TNR: variants seen among roughly 807,000 people sequenced by gnomAD.
The protein encoded by TNR is tenascin-R.
In TNR, 45 loss-of-function variants were observed where a neutral mutation model predicts 150.4. The ratio of observed to expected loss-of-function variants is 0.30; its 90% CI spans 0.24 to 0.38. The LOEUF (loss-of-function observed/expected upper bound fraction) is 0.38. TNR is among the 10% of genes least tolerant of loss of function. The pLI is 1.00. For synonymous variants in TNR, 687 were observed against 678.4 expected (o/e 1.01, Z -0.20); for missense variants, 1,544 against 1,759.1 (o/e 0.88, Z 2.19).
Position 175,609,747 on chromosome 1 carries a change from C to T in TNR, c.-164-81378G>A, listed in dbSNP as rs150806178. On this transcript the variant is annotated intron_variant, in intron 1 of 22. Coordinates refer to ENST00000367674, the MANE Select transcript of TNR (RefSeq NM_003285.3). Reference sequence around the variant, plus strand: ...GTTACAATAAGAAGTAATTGTCATACAACCAGAGCACTAAAAGCTGCCTGA... The same window carrying T: ...GTTACAATAAGAAGTAATTGTCATATAACCAGAGCACTAAAAGCTGCCTGA... Among the ~76,000 whole-genome samples, 19 of 152,328 alleles carry T rather than the reference C, an allele frequency of 1.2e-4. No individual in the cohort carries two copies. In the East Asian group the frequency reaches 3.3e-3, roughly 26 times the overall value.
intron 1 of TNR, among the ~76,000 whole-genome samples, chr1:175,720,580 C>A (rs771180531): frequency 6.6e-6 from 1 of 152,144 alleles, no homozygotes; most frequent in Non-Finnish European, 1.5e-5. Context: ...GTAGATGTTT[C>A]AATAGGTTGA....
intron 1 of TNR, among the ~76,000 whole-genome samples, chr1:175,681,574 A>G (rs892817310): frequency 2.0e-5 from 3 of 152,186 alleles, no homozygotes; most frequent in East Asian, 1.9e-4. Flanking sequence ...CTCACTCAGC[A>G]TGCTCCTTCC....
At chr1:175,582,140 T>C (rs549367157) in intron 1 of TNR, among the ~76,000 whole-genome samples, 3 of 152,374 alleles carry the variant, frequency 2.0e-5, no homozygotes, top group South Asian at 4.1e-4. Context: ...TTTTCCTTTA[T>C]AGGTAATGCC....
intron 1 of TNR, among the ~76,000 whole-genome samples, chr1:175,572,302 A>T (rs928582897): frequency 1.3e-5 from 2 of 152,244 alleles, no homozygotes; most frequent in African/African-American, 2.4e-5. Context: ...CAGTGAGGAT[A>T]CCATAAAGAA....
intron 1 of TNR, among the ~76,000 whole-genome samples, chr1:175,742,967 C>CAT (rs747623678): frequency 6.9e-6 from 1 of 144,824 alleles, no homozygotes; most frequent in Non-Finnish European, 1.5e-5. Context: ...CAACAGTACA[C>CAT]ACACACACAC....
chr1:175,453,536 A>G (rs181920387), intron 2 of TNR, among the ~76,000 whole-genome samples: 158 of 151,908 alleles, frequency 1.0e-3, no homozygotes, highest in Admixed American at 3.3e-3. Context: ...TTGGTTTTTA[A>G]ACTTTAATTA....
chr1:175,683,639 A>T (rs972007156), intron 1 of TNR, among the ~76,000 whole-genome samples: 1 of 152,066 alleles, frequency 6.6e-6, no homozygotes, highest in South Asian at 2.1e-4. Context: ...GCATACCAGT[A>T]CCTGTCAGGC....
chr1:175,348,068 CTGGATTGATATAAAAAA>C (rs1287972897), intron 18 of TNR, among the ~76,000 whole-genome samples: 3 of 151,960 alleles, frequency 2.0e-5, no homozygotes, highest in Non-Finnish European at 4.4e-5. Flanking sequence ...TTGCTAGATA[CTGGATTGATATAAAAAA>C]TTAATGGTAT....
intron 1 of TNR, among the ~76,000 whole-genome samples, chr1:175,601,882 C>T (rs1663251425): frequency 2.0e-5 from 3 of 152,106 alleles, no homozygotes; most frequent in Admixed American, 6.5e-5. Context: ...AATGAACATA[C>T]TTGCAAAACA....
At position 175,477,047 on chromosome 1, in the gene TNR, G is replaced by A. The variant is rs12068481; in HGVS notation, c.-64+51222C>T. Among the ~76,000 whole-genome samples, 1,151 of 152,258 alleles carry A rather than the reference G, an allele frequency of 7.6e-3. 14 individuals are homozygous for A. Among genetic ancestry groups the A allele is most frequent in the African/African-American group, 0.026 (1,097 of 41,544 alleles). On this transcript the variant is annotated intron_variant, in intron 2 of 22. Transcript: ENST00000367674. ...AAAAGAATGGCTCTTAAATGTTTCT[G>A]TATTTTGGTGATACACTAGCAAAAT... is the stretch of plus-strand genomic sequence containing the variant.
chr1:175,381,752 A>G (rs1652691181), intron 8 of TNR, among the ~76,000 whole-genome samples: 1 of 152,238 alleles, frequency 6.6e-6, no homozygotes, highest in Admixed American at 6.5e-5. Flanking sequence ...CATAAATTAG[A>G]TTAAGTAATT....
chr1:175,716,605 C>G (rs1283552066), intron 1 of TNR, among the ~76,000 whole-genome samples: 2 of 152,162 alleles, frequency 1.3e-5, no homozygotes, highest in African/African-American at 4.8e-5. Context: ...AACCAACCAT[C>G]CCCTGCCCCA....
chr1:175,665,171 C>G (rs530911160), intron 1 of TNR, among the ~76,000 whole-genome samples: 2 of 152,274 alleles, frequency 1.3e-5, no homozygotes, highest in South Asian at 4.1e-4. Flanking sequence ...CATTTTTTCT[C>G]TGCCACAATC....
At chr1:175,529,395 G>A (rs532017637) in intron 1 of TNR, among the ~76,000 whole-genome samples, 1 of 152,234 alleles carries the variant, frequency 6.6e-6, no homozygotes, top group African/African-American at 2.4e-5. Context: ...ATTGGAAGAA[G>A]TGTAAAGATT....
At chr1:175,678,964 G>T (rs1665948910) in intron 1 of TNR, among the ~76,000 whole-genome samples, 1 of 152,222 alleles carries the variant, frequency 6.6e-6, no homozygotes, top group Admixed American at 6.5e-5. Context: ...ATTGGGTTCT[G>T]CCCTGCTTCC....
intron 1 of TNR, among the ~76,000 whole-genome samples, chr1:175,594,006 G>C (rs1377990328): frequency 2.6e-5 from 4 of 152,104 alleles, no homozygotes; most frequent in African/African-American, 9.7e-5. Flanking sequence ...AGCACAAGAG[G>C]AATCTCTCTC....
At chr1:175,427,157 T>C (rs1655026647) in intron 2 of TNR, among the ~76,000 whole-genome samples, 1 of 151,162 alleles carries the variant, frequency 6.6e-6, no homozygotes. Flanking sequence ...ATACAGGTTG[T>C]CACCCACTTA....
chr1:175,536,103 C>T (rs1660270619), intron 1 of TNR, among the ~76,000 whole-genome samples: 1 of 152,196 alleles, frequency 6.6e-6, no homozygotes, highest in East Asian at 1.9e-4. Context: ...TAAAGAAACA[C>T]ATATATTACT....
intron 4 of TNR, 39 bp downstream of exon 4, chr1:175,403,101 C>T (rs1196653703): frequency 1.3e-6 from 2 of 1,557,614 alleles, no homozygotes; most frequent in South Asian, 2.3e-5. Context: ...GTTTGCTGGA[C>T]CACCCTTGCC....
Sources: gnomAD v4.1 joint callset for allele counts (sites outside exome capture counted in the v4.1 genomes callset) on GRCh38, gnomAD v4.1.1 for gene constraint, MANE v1.5 for transcripts, NCBI Gene and HGNC (gene_info 2026-07-23, HGNC 2026-07-21) for gene names.